The following TEX15 variants were observed in gnomAD, a reference collection of about 807,000 sequenced individuals.
TEX15 encodes testis-expressed protein 15.
Under a neutral mutation model 237.3 loss-of-function variants are expected in TEX15, and 171 were observed. The ratio of observed to expected loss-of-function variants is 0.72; its 90% confidence interval spans 0.64 to 0.82. The LOEUF (loss-of-function observed/expected upper bound fraction) is 0.82, where lower values mean the gene tolerates loss of function less well. Ranked by LOEUF, TEX15 falls within the 40% of genes least tolerant of loss-of-function variation. The pLI is 0.00. For missense variants in TEX15, 3,750 were observed against 3,646.5 expected, an observed-to-expected ratio of 1.03 and a Z score of -0.73; for synonymous variants, 1,338 against 1,269.8, an observed-to-expected ratio of 1.05 and a Z score of -1.14.
intron 2 of TEX15, among the ~76,000 whole-genome samples, chr8:30,894,548 T>C (rs1046889236): frequency 6.6e-6 from 1 of 152,214 alleles, no homozygotes; most frequent in Non-Finnish European, 1.5e-5. Flanking sequence ...AGTTCCAAGA[T>C]AAGCCTTCAC....
intron 1 of TEX15, among the ~76,000 whole-genome samples, chr8:30,903,171 G>T (rs1383041389): frequency 6.6e-6 from 1 of 152,144 alleles, no homozygotes; most frequent in Non-Finnish European, 1.5e-5. Context: ...ATGCTGTATG[G>T]ATGTATTTCT....
chr8:30,847,636 T>G lies in TEX15; in HGVS notation c.2531A>C (p.Gln844Pro), dbSNP rs1807652640. The change falls in exon 8 of 11, where the codon CAG (glutamine) becomes CCG (proline). Residue 844 changes from glutamine (Q) to proline (P), a missense_variant. Coordinates refer to ENST00000643185, the MANE Select transcript of TEX15 (RefSeq NM_001350162.2). ...GQDHNLFCNSQLSNDIWLNVN... is the reference protein window; with the variant it reads ...GQDHNLFCNSPLSNDIWLNVN... ...ATTCAGCCATATATCATTGCTTAAC[T>G]GTGAATTACAGAACAGATTGTGATC... 1 of 1,613,548 alleles carries G rather than the reference T, an allele frequency of 6.2e-7. No homozygotes were observed. The highest frequency in any genetic ancestry group is 8.5e-7 in the Non-Finnish European group (1 of 1,179,836).
intron 7 of TEX15, among the ~76,000 whole-genome samples, chr8:30,853,295 T>C (rs1405113334): frequency 3.9e-5 from 6 of 151,988 alleles, no homozygotes; most frequent in Non-Finnish European, 8.8e-5. Flanking sequence ...GGTAAAATCG[T>C]CAAGGAAAGA....
chr8:30,912,776 G>A (rs975331864), intron 1 of TEX15, 103 bp downstream of exon 1: 1 of 152,218 alleles, frequency 6.6e-6, no homozygotes, highest in Non-Finnish European at 1.5e-5. Flanking sequence ...AGTAGCGTCT[G>A]AGACTCCCCA....
At chr8:30,890,761 T>C (rs1186060115) in intron 2 of TEX15, among the ~76,000 whole-genome samples, 2 of 152,194 alleles carry the variant, frequency 1.3e-5, no homozygotes. Flanking sequence ...CTTTATATTT[T>C]TATTTTTTAA....
chr8:30,848,233 T>C lies in TEX15; in HGVS notation c.1934A>G (p.Asn645Ser), dbSNP rs775132032. The C allele has an allele frequency of 1.2e-6, 2 of 1,612,448 alleles. No homozygotes were observed. Among genetic ancestry groups the C allele is most frequent in the African/African-American group, 1.3e-5 (1 of 74,850 alleles). The change falls in exon 8 of 11, where the codon AAT becomes AGT. Residue 645 changes from asparagine (N) to serine (S), a missense_variant. Physicochemically the swap from Asn to Ser is conservative, Grantham distance 46. Coordinates refer to ENST00000643185, the MANE Select transcript of TEX15 (RefSeq NM_001350162.2). Reference protein sequence around the residue: ...EKQTSWKEIDNDFTNETKISP... With the variant: ...EKQTSWKEIDSDFTNETKISP... ...GATTTTTGTTTCATTAGTGAAATCATTATCAATTTCTTTCCATGAAGTTTG... is the reference window on the plus strand; with the variant it reads ...GATTTTTGTTTCATTAGTGAAATCACTATCAATTTCTTTCCATGAAGTTTG...
chr8:30,855,292 T>A (rs974986371), intron 7 of TEX15, among the ~76,000 whole-genome samples: 1 of 152,152 alleles, frequency 6.6e-6, no homozygotes, highest in East Asian at 1.9e-4. Context: ...TCTATACATT[T>A]GGAATGAACA....
At chr8:30,892,247 C>A (rs1453148786) in intron 2 of TEX15, among the ~76,000 whole-genome samples, 2 of 152,032 alleles carry the variant, frequency 1.3e-5, no homozygotes, top group African/African-American at 4.8e-5. Flanking sequence ...TTAAAACAAC[C>A]TTTCTTATTC....
chr8:30,849,369 C>T (rs776361253), intron 7 of TEX15, 53 bp from the exon 8 acceptor site: 68 of 1,006,852 alleles, frequency 6.8e-5, no homozygotes, highest in Non-Finnish European at 9.2e-5. Context: ...CTATAGACAA[C>T]TATTAATACA....
At chr8:30,893,633 G>C (rs919621529) in intron 2 of TEX15, among the ~76,000 whole-genome samples, 3 of 152,110 alleles carry the variant, frequency 2.0e-5, no homozygotes, top group Admixed American at 2.0e-4. Flanking sequence ...ATTTTCCTGG[G>C]TAGAAAATTC....
At chr8:30,880,530 T>C (rs925666955) in intron 3 of TEX15, among the ~76,000 whole-genome samples, 2 of 152,190 alleles carry the variant, frequency 1.3e-5, no homozygotes, top group Non-Finnish European at 2.9e-5. Context: ...AATGTGAAGA[T>C]GATGAAGATG....
intron 2 of TEX15, among the ~76,000 whole-genome samples, chr8:30,892,849 C>T (rs192882419): frequency 6.6e-6 from 1 of 151,992 alleles, no homozygotes; most frequent in African/African-American, 2.4e-5. Flanking sequence ...CTGGCTAACA[C>T]GGTAAAACCC....
At chr8:30,900,118 C>T (rs1309330075) in intron 1 of TEX15, among the ~76,000 whole-genome samples, 2 of 152,098 alleles carry the variant, frequency 1.3e-5, no homozygotes, top group East Asian at 3.9e-4. Flanking sequence ...GTAGATTGGT[C>T]TTTGAAAATA....
Position 30,849,220 on chromosome 8 carries a change from T to A in TEX15, c.947A>T (p.Asp316Val). ...TAAACAGTTTTCTTGAACAAATGGA[T>A]CTACAGGTTTCTTGAAATGCACAAA... is the stretch of plus-strand genomic sequence containing the variant. ...VTFVHFKKPV[D>V]PFVQENCLCN... The change falls in exon 8 of 11, where the codon GAT (aspartate) becomes GTT (valine). Residue 316 changes from aspartate (D) to valine (V), a missense_variant. Asp to Val is a radical substitution (Grantham distance 152). Transcript: ENST00000643185. 1 of 1,536,332 alleles carries A rather than the reference T, an allele frequency of 6.5e-7. No homozygotes were observed. Among genetic ancestry groups the A allele is most frequent in the Non-Finnish European group, 8.7e-7 (1 of 1,146,866 alleles).
intron 1 of TEX15, among the ~76,000 whole-genome samples, chr8:30,903,242 T>C (rs1264775707): frequency 2.0e-5 from 3 of 152,224 alleles, no homozygotes; most frequent in African/African-American, 7.2e-5. Flanking sequence ...TATCTAATTA[T>C]ATAGTCAAAT....
intron 7 of TEX15, among the ~76,000 whole-genome samples, chr8:30,856,459 C>G (rs1426938751): frequency 6.6e-6 from 1 of 151,846 alleles, no homozygotes; most frequent in African/African-American, 2.4e-5. Flanking sequence ...AAGGTGGAGA[C>G]GGGAGGATTG....
intron 3 of TEX15, among the ~76,000 whole-genome samples, chr8:30,881,232 G>T (rs1414726384): frequency 6.6e-6 from 1 of 151,986 alleles, no homozygotes; most frequent in Non-Finnish European, 1.5e-5. Flanking sequence ...GTCTCATCTT[G>T]GAACCATGGT....
At chr8:30,906,614 G>C (rs957304338) in intron 1 of TEX15, among the ~76,000 whole-genome samples, 2 of 149,976 alleles carry the variant, frequency 1.3e-5, no homozygotes, top group Non-Finnish European at 3.0e-5. Context: ...AAAAAAAAGA[G>C]AGAGAGAACA....
intron 7 of TEX15, among the ~76,000 whole-genome samples, chr8:30,851,986 T>A (rs2128769029): frequency 1.3e-5 from 2 of 152,202 alleles, no homozygotes; most frequent in East Asian, 3.9e-4. Flanking sequence ...ATTTCACTTT[T>A]ACAAATGTGT....
Sources: gnomAD v4.1 joint callset for allele counts (sites outside exome capture counted in the v4.1 genomes callset) on GRCh38, gnomAD v4.1.1 for gene constraint, MANE v1.5 for transcripts, NCBI Gene and HGNC (gene_info 2026-07-23, HGNC 2026-07-21) for gene names.